Variants in ARMH1 observed in about 807,000 individuals in gnomAD.
ARMH1 encodes armadillo-like helical domain containing protein 1.
ARMH1 carries 34 observed loss-of-function variants against 50.2 expected under a neutral mutation model. That is an observed-to-expected ratio of 0.68 (90% CI 0.51 to 0.90). The LOEUF (loss-of-function observed/expected upper bound fraction) is 0.90. Among genes scored for constraint, ARMH1 ranks in the 40% least tolerant of loss-of-function variants. The pLI is 0.00. For missense variants in ARMH1, 538 were observed against 553.9 expected (o/e 0.97, Z 0.29); for synonymous variants, 221 against 224.2 (o/e 0.99, Z 0.13).
chr1:44,701,178 CCT>C, intron 5 of ARMH1, 59 bp downstream of exon 5: 1 of 1,446,190 alleles, frequency 6.9e-7, no homozygotes, highest in Non-Finnish European at 9.2e-7. Context: ...CTTACAATTA[CCT>C]TCCGCAGTTG....
At chr1:44,721,576 A>C (rs971843957) in intron 6 of ARMH1, among the ~76,000 whole-genome samples, 1 of 152,160 alleles carries the variant, frequency 6.6e-6, no homozygotes, top group African/African-American at 2.4e-5. Flanking sequence ...AAAAAACATG[A>C]CAGTAGGCCG....
chr1:44,697,073 T>A, intron 2 of ARMH1, 29 bp from the exon 3 acceptor site: 1 of 1,537,550 alleles, frequency 6.5e-7, no homozygotes, highest in South Asian at 1.2e-5. Context: ...AAAACCACCC[T>A]GAAACTCACT....
chr1:44,683,357 A>G lies in ARMH1; in HGVS notation c.-22-6319A>G, dbSNP rs540872266. On this transcript the variant is annotated intron_variant, in intron 1 of 11. Transcript: ENST00000535358. This position sits in a 1 kb window ranked among gnomAD's most constrained non-coding sequence, Gnocchi z 4.2. ...TAAAGAGATCTGGAGCTCAGGTGGG[A>G]GGCCCAGACTGAGGAGACGGATTTG... is the stretch of plus-strand genomic sequence containing the variant. Among the ~76,000 whole-genome samples, 1 of 152,350 alleles carries G rather than the reference A, an allele frequency of 6.6e-6. No individual in the cohort carries two copies. The highest frequency in any genetic ancestry group is 2.1e-4 in the South Asian group (1 of 4,828).
At position 44,724,374 on chromosome 1, in the gene ARMH1, C is replaced by T. The variant is rs1219316962; in HGVS notation, c.902C>T (p.Ala301Val). Residue 301 changes from alanine (A) to valine (V), a missense_variant, in exon 8 of 12, where the codon GCG becomes GTG. Transcript: ENST00000535358. This position sits in a 1 kb window ranked among gnomAD's most constrained non-coding sequence, Gnocchi z 6.4. Reference protein sequence around the residue: ...PSLPMFLQQAAAAKAIGVLAR... With the variant: ...PSLPMFLQQAVAAKAIGVLAR... ...CTGCCGATGTTTTTGCAGCAGGCCG[C>T]GGCCGCCAAGGCCATCGGGTAAGCG... The T allele has an allele frequency of 6.4e-7, 1 of 1,550,850 alleles. No homozygotes were observed. The highest frequency in any genetic ancestry group is 2.4e-5 in the East Asian group (1 of 40,916).
In ARMH1 at chr1:44,681,238, G is replaced by T. The variant is rs1645304351; in HGVS notation, c.-23+6365G>T. On this transcript the variant is annotated intron_variant, in intron 1 of 11. Coordinates refer to ENST00000535358, the MANE Select transcript of ARMH1 (RefSeq NM_001145636.2). The surrounding 1 kb of genome is among the most constrained non-coding windows in gnomAD (Gnocchi z 4.3). ...TCTCGATCTCCTGACCTCGTGATCT[G>T]TCTGCCTCAGCCTCCCAAAGTGCTG... Among the ~76,000 whole-genome samples, 1 of 152,060 alleles carries T rather than the reference G, an allele frequency of 6.6e-6. No individual in the cohort carries two copies. Among genetic ancestry groups the T allele is most frequent in the South Asian group, 2.1e-4 (1 of 4,826 alleles).
At chr1:44,705,970 T>C (rs111489624) in intron 6 of ARMH1, among the ~76,000 whole-genome samples, 4,180 of 152,184 alleles carry the variant, frequency 0.027, 147 homozygotes, top group African/African-American at 0.082. Flanking sequence ...GTCCTGGGAA[T>C]AATGGGTAGG....
At chr1:44,676,775 A>G (rs901733869) in intron 1 of ARMH1, among the ~76,000 whole-genome samples, 30 of 152,208 alleles carry the variant, frequency 2.0e-4, no homozygotes, top group Non-Finnish European at 1.2e-4. Context: ...TGTAAGATAC[A>G]TTTTCAGAAA....
At chr1:44,711,371 T>C (rs1646605528) in intron 6 of ARMH1, among the ~76,000 whole-genome samples, 1 of 152,234 alleles carries the variant, frequency 6.6e-6, no homozygotes, top group Non-Finnish European at 1.5e-5. Context: ...ATTCTGGGGA[T>C]TCTTTAATTA....
chr1:44,696,285 G>A (rs889233806), intron 2 of ARMH1, among the ~76,000 whole-genome samples: 4 of 152,152 alleles, frequency 2.6e-5, no homozygotes, highest in East Asian at 1.9e-4. Context: ...CACACCCCCC[G>A]CCCAAACAAA....
At chr1:44,709,442 G>T (rs1452001993) in intron 6 of ARMH1, among the ~76,000 whole-genome samples, 1 of 152,154 alleles carries the variant, frequency 6.6e-6, no homozygotes, top group Non-Finnish European at 1.5e-5. Flanking sequence ...GGAGGCCAAG[G>T]GGGGCGGATC....
At chr1:44,689,980 G>C in intron 2 of ARMH1, 77 bp downstream of exon 2, 4 of 1,331,022 alleles carry the variant, frequency 3.0e-6, no homozygotes, top group Non-Finnish European at 4.2e-6. Flanking sequence ...AGCACTTTGG[G>C]AGGCCAAGGT....
At chr1:44,691,605 A>G (rs908389041) in intron 2 of ARMH1, among the ~76,000 whole-genome samples, 7 of 151,898 alleles carry the variant, frequency 4.6e-5, no homozygotes, top group African/African-American at 9.7e-5. Context: ...CCTCTTCTCT[A>G]CTCACTCTCA....
At chr1:44,692,343 C>G (rs2148622222) in intron 2 of ARMH1, among the ~76,000 whole-genome samples, 1 of 152,284 alleles carries the variant, frequency 6.6e-6, no homozygotes, top group East Asian at 1.9e-4. Context: ...TCAGGAAGCC[C>G]ATTTCTGAGT....
At position 44,725,212 on chromosome 1, in the gene ARMH1, C is replaced by T; in HGVS notation, c.1205C>T (p.Thr402Ile). ...TTGGCGGCCAACACAGTCAATGTTA[C>T]CAAAGGTGAGTGTGGGACGAGGGAA... is the stretch of plus-strand genomic sequence containing the variant. ...DILAANTVNVTKALCLHGSSY... is the reference protein window; with the variant it reads ...DILAANTVNVIKALCLHGSSY... The change falls in exon 11 of 12, where the codon ACC becomes ATC. Residue 402 changes from threonine (T) to isoleucine (I), a missense_variant. Thr to Ile is a moderately conservative substitution (Grantham distance 89). Transcript: ENST00000535358. 1 of 1,551,962 alleles carries T rather than the reference C, an allele frequency of 6.4e-7. No homozygotes were observed. Among genetic ancestry groups the T allele is most frequent in the Non-Finnish European group, 8.7e-7 (1 of 1,147,050 alleles).
At chr1:44,685,278 T>C (rs7549579) in intron 1 of ARMH1, among the ~76,000 whole-genome samples, 4,744 of 151,120 alleles carry the variant, frequency 0.031, 258 homozygotes, top group African/African-American at 0.11. Context: ...TTCTCATCAG[T>C]AACAGCAACT....
At chr1:44,708,256 T>C (rs1373476401) in intron 6 of ARMH1, among the ~76,000 whole-genome samples, 2 of 152,146 alleles carry the variant, frequency 1.3e-5, no homozygotes, top group East Asian at 1.9e-4. Flanking sequence ...AGTTTGAGTA[T>C]ACCAAATTGC....
intron 5 of ARMH1, among the ~76,000 whole-genome samples, chr1:44,702,424 A>G (rs1646124173): frequency 6.6e-6 from 1 of 152,110 alleles, no homozygotes; most frequent in Non-Finnish European, 1.5e-5. Flanking sequence ...AAAAAAGGGC[A>G]ATGACAGGGC....
rs1272881642 is a variant in ARMH1 at position 44,674,765 on chromosome 1, A to T, written c.-131A>T. ...CTGTATTCTGGGAATGGGCAGGGTC[A>T]CTCGTCCGAACAGAGTCCTATCCTA... On this transcript the variant is annotated 5_prime_UTR_variant, in exon 1 of 12. Transcript: ENST00000535358. 4.6e-6 allele frequency: 1 copy of T among 219,756 alleles called. No homozygotes were observed. Among genetic ancestry groups the T allele is most frequent in the Non-Finnish European group, 9.1e-6 (1 of 109,706 alleles). The allele number at this position is 219,756 out of a possible 1,614,324, so 13.6% of individuals were successfully genotyped here.
Position 44,724,728 on chromosome 1 carries a change from C to T in ARMH1, c.1051-34C>T. The stretch of plus-strand genomic sequence containing the variant: ...CGGCGGCACCCGCAGCCCCGTCGCC[C>T]CCGCAGTCACGCCGCCTCGCCCGCG... On this transcript the variant is annotated intron_variant, in intron 9 of 11. Transcript: ENST00000535358. The surrounding 1 kb of genome is among the most constrained non-coding windows in gnomAD (Gnocchi z 6.4). The T allele has an allele frequency of 6.6e-7, 1 of 1,510,406 alleles. No homozygotes were observed. The highest frequency in any genetic ancestry group is 8.8e-7 in the Non-Finnish European group (1 of 1,134,442). 93.6% of individuals were successfully genotyped at this position (1,510,406 alleles called of 1,614,324 possible). A position where few individuals can be genotyped will look rare whatever the true frequency, so the allele number is the denominator to read the frequency against.
Sources: gnomAD v4.1 joint callset for allele counts (sites outside exome capture counted in the v4.1 genomes callset) on GRCh38, gnomAD v4.1.1 for gene constraint, Gnocchi (gnomAD v3.1) non-coding constraint, MANE v1.5 for transcripts, NCBI Gene and HGNC (gene_info 2026-07-23, HGNC 2026-07-21) for gene names.